TAMM41: variants seen among roughly 807,000 people sequenced by gnomAD.
The protein encoded by TAMM41 is phosphatidate cytidylyltransferase, mitochondrial.
In TAMM41, 36 loss-of-function variants were observed where a neutral mutation model predicts 44.1. The observed-to-expected ratio is 0.82, with a 90% confidence interval of 0.63 to 1.08. The LOEUF is 1.08. Ranked by LOEUF, TAMM41 falls within the 50% of genes least tolerant of loss-of-function variation. The probability of loss-of-function intolerance (pLI) is 0.00; values close to 1 mark genes in which losing one functional copy is unlikely to be tolerated. For missense variants in TAMM41, 417 were observed against 404.3 expected, an observed-to-expected ratio of 1.03 and a Z score of -0.27; for synonymous variants, 164 against 153.1, an observed-to-expected ratio of 1.07 and a Z score of -0.53.
the TAMM41 span, among the ~76,000 whole-genome samples, chr3:11,757,255 A>G: frequency 1.3e-5 from 2 of 152,220 alleles, no homozygotes; most frequent in Non-Finnish European, 2.9e-5. Context: ...AACATTTTAC[A>G]CACTGTAAAT....
the TAMM41 span, among the ~76,000 whole-genome samples, chr3:11,725,558 C>T: frequency 1.3e-5 from 2 of 152,050 alleles, no homozygotes; most frequent in African/African-American, 4.8e-5. Context: ...CCCACCTCAG[C>T]CTCCTGAGTA....
the TAMM41 span, among the ~76,000 whole-genome samples, chr3:11,749,831 C>T: frequency 6.6e-5 from 10 of 151,812 alleles, no homozygotes; most frequent in Admixed American, 1.3e-4. Flanking sequence ...ATTTGGATAC[C>T]GGAAATCTCT....
intron 7 of TAMM41, among the ~76,000 whole-genome samples, chr3:11,801,954 C>T (rs561987039): frequency 6.5e-4 from 99 of 152,312 alleles, no homozygotes; most frequent in African/African-American, 2.3e-3. Context: ...GGTGCAGTGG[C>T]TCATGCCTGT....
intron 3 of TAMM41, among the ~76,000 whole-genome samples, chr3:11,831,513 A>C (rs1559314617): frequency 6.6e-6 from 1 of 152,144 alleles, no homozygotes; most frequent in East Asian, 1.9e-4. Context: ...ACCATCTCTA[A>C]ATCTTTTGGT....
chr3:11,735,618 A>C, the TAMM41 span, among the ~76,000 whole-genome samples: 3 of 152,064 alleles, frequency 2.0e-5, no homozygotes, highest in African/African-American at 7.2e-5. Flanking sequence ...CTGGGTAACA[A>C]AGTGATACCT....
intron 2 of TAMM41, chr3:11,843,562 C>G (rs186610945): frequency 6.5e-6 from 1 of 153,112 alleles, no homozygotes; most frequent in Admixed American, 6.5e-5. Context: ...CATGGTGAAA[C>G]CCTGTCTCTC....
At chr3:11,799,211 A>G (rs903862953) in intron 7 of TAMM41, among the ~76,000 whole-genome samples, 3 of 152,168 alleles carry the variant, frequency 2.0e-5, no homozygotes, top group Non-Finnish European at 4.4e-5. Context: ...AACAAACGTA[A>G]AATACACCAT....
chr3:11,772,158 C>A, the TAMM41 span, among the ~76,000 whole-genome samples: 1 of 151,920 alleles, frequency 6.6e-6, no homozygotes, highest in Non-Finnish European at 1.5e-5. Context: ...GTAAACTCCA[C>A]CTCCCAGGTT....
the TAMM41 span, among the ~76,000 whole-genome samples, chr3:11,748,000 G>A: frequency 0.33 from 49,263 of 148,678 alleles, 8,239 homozygotes; most frequent in Admixed American, 0.35. Flanking sequence ...TCAGCCTCCC[G>A]AGTAGCTGGG....
rs1313378736 is a variant in TAMM41, at chr3:11,814,979, A to AAAAG, written c.708+2209_708+2212dup. On this transcript the variant is annotated intron_variant, in intron 5 of 7. Coordinates refer to ENST00000455809, the MANE Select transcript of TAMM41 (RefSeq NM_001284401.2). ...GCCCTGTCAAAAAAGAGAAAGAAAGAAAAGAAAGAAAGAAAGAGCCCACCA... is the reference window on the plus strand; with the variant it reads ...GCCCTGTCAAAAAAGAGAAAGAAAGAAAAGAAAGAAAGAAAGAAAGAGCCCACCA... Among the ~76,000 whole-genome samples the AAAAG allele has an allele frequency of 8.7e-4, 133 of 152,272 alleles. 1 individual carries two copies. The highest frequency in any genetic ancestry group is 3.0e-3 in the African/African-American group (126 of 41,552).
chr3:11,829,883 T>TC lies in TAMM41; in HGVS notation c.412-20_412-19insG, dbSNP rs1179439471. On this transcript the variant is annotated intron_variant, in intron 3 of 7. Transcript: ENST00000455809. ...TTTTCACCTGAAAGAAGCAGAACAT[T>TC]GGGAAGAAAAATTCCAGAAGTGGAG... 6.2e-7 allele frequency: 1 copy of TC among 1,612,522 alleles called. No homozygotes were observed. Among genetic ancestry groups the TC allele is most frequent in the East Asian group, 2.2e-5 (1 of 44,852 alleles).
chr3:11,846,387 TG>T, intron 1 of TAMM41, 114 bp downstream of exon 1: 1 of 1,218,984 alleles, frequency 8.2e-7, no homozygotes, highest in Non-Finnish European at 1.2e-6. Context: ...ACTCTGCTAG[TG>T]GACACGTGGA....
chr3:11,817,404 C>T (rs1273663482), intron 4 of TAMM41, 67 bp from the exon 5 acceptor site: 1 of 1,501,762 alleles, frequency 6.7e-7, no homozygotes, highest in Non-Finnish European at 9.1e-7. Context: ...ATGAACGACG[C>T]TCCCCACACT....
At chr3:11,723,075 A>T in the TAMM41 span, among the ~76,000 whole-genome samples, 1 of 152,054 alleles carries the variant, frequency 6.6e-6, no homozygotes, top group South Asian at 2.1e-4. Context: ...GTGAGTTGAG[A>T]TGACACCACT....
At chr3:11,759,771 C>T in the TAMM41 span, among the ~76,000 whole-genome samples, 18 of 151,850 alleles carry the variant, frequency 1.2e-4, no homozygotes, top group African/African-American at 3.6e-4. Flanking sequence ...GTCAGGAGTC[C>T]GAGACTAGCC....
the TAMM41 span, among the ~76,000 whole-genome samples, chr3:11,728,030 GCCCACCTTGACCTC>G: frequency 1.3e-5 from 2 of 151,648 alleles, no homozygotes; most frequent in East Asian, 3.9e-4. Flanking sequence ...CAGGTGATCC[GCCCACCTTGACCTC>G]CCAAAGCGCT....
intron 7 of TAMM41, among the ~76,000 whole-genome samples, chr3:11,799,482 G>A (rs1051575694): frequency 2.6e-5 from 4 of 152,166 alleles, no homozygotes; most frequent in African/African-American, 4.8e-5. Context: ...AAACAGAGCA[G>A]CCAGAGCATA....
the TAMM41 span, among the ~76,000 whole-genome samples, chr3:11,769,960 G>A: frequency 6.6e-6 from 1 of 152,208 alleles, no homozygotes. Flanking sequence ...TGACAAGCCT[G>A]CCAAGGAACT....
chr3:11,727,085 C>CT, the TAMM41 span, among the ~76,000 whole-genome samples: 2 of 152,162 alleles, frequency 1.3e-5, no homozygotes, highest in Admixed American at 6.5e-5. Context: ...AGGCACCACT[C>CT]TAAGTGCTTT....
Sources: allele counts gnomAD v4.1 joint callset (sites outside exome capture counted in the v4.1 genomes callset), GRCh38; gene constraint gnomAD v4.1.1; transcripts MANE v1.5; gene names NCBI Gene and HGNC (gene_info 2026-07-23, HGNC 2026-07-21).